ATOSA: variants seen among roughly 807,000 people sequenced by gnomAD.
ATOSA encodes the protein atos homolog protein A.
At chr15:52,628,781 C>T in the ATOSA span, among the ~76,000 whole-genome samples, 1 of 151,328 alleles carries the variant, frequency 6.6e-6, no homozygotes, top group Non-Finnish European at 1.5e-5. Flanking sequence ...AACTGAAGTG[C>T]CATGAAAGTA....
the ATOSA span, among the ~76,000 whole-genome samples, chr15:52,620,772 A>T: frequency 5.3e-5 from 8 of 151,952 alleles, no homozygotes; most frequent in African/African-American, 1.9e-4. Flanking sequence ...ACGTGGCAAA[A>T]CCTCATCTCT....
the ATOSA span, among the ~76,000 whole-genome samples, chr15:52,604,453 T>A: frequency 6.6e-6 from 1 of 152,254 alleles, no homozygotes; most frequent in African/African-American, 2.4e-5. Flanking sequence ...AAAATACGTT[T>A]GTGGCAAATT....
At chr15:52,613,918 G>A in the ATOSA span, 1 of 1,371,112 alleles carries the variant, frequency 7.3e-7, no homozygotes, top group Non-Finnish European at 1.0e-6. Context: ...GAACTCATCT[G>A]GTCTGCCTAA....
At chr15:52,584,090 G>GAAAAAAA in the ATOSA span, among the ~76,000 whole-genome samples, 3 of 41,836 alleles carry the variant, frequency 7.2e-5, no homozygotes, top group Non-Finnish European at 1.7e-4. Context: ...GTCTCAAGAA[G>GAAAAAAA]AAAAAAAAAA....
At chr15:52,654,850 AG>A in the ATOSA span, among the ~76,000 whole-genome samples, 1 of 152,162 alleles carries the variant, frequency 6.6e-6, no homozygotes, top group Non-Finnish European at 1.5e-5. Context: ...AAACAAAAAA[AG>A]TATTGCAGAT....
the ATOSA span, among the ~76,000 whole-genome samples, chr15:52,698,887 A>G: frequency 6.6e-6 from 1 of 152,210 alleles, no homozygotes; most frequent in Non-Finnish European, 1.5e-5. Flanking sequence ...CTAAACAAAT[A>G]AATAAACTTG....
At chr15:52,583,823 C>T in the ATOSA span, among the ~76,000 whole-genome samples, 3 of 152,104 alleles carry the variant, frequency 2.0e-5, no homozygotes, top group East Asian at 5.8e-4. Context: ...TGGCTGAACA[C>T]GTCTTTTGCA....
chr15:52,688,830 A>C, the ATOSA span, among the ~76,000 whole-genome samples: 4 of 152,246 alleles, frequency 2.6e-5, no homozygotes, highest in Non-Finnish European at 1.5e-5. Context: ...AAGTCGAATA[A>C]GACAAGGACT....
chr15:52,645,709 C>T, the ATOSA span, among the ~76,000 whole-genome samples: 1 of 152,200 alleles, frequency 6.6e-6, no homozygotes, highest in Admixed American at 6.5e-5. Flanking sequence ...CACAATTCAT[C>T]ATAGTCTCAG....
chr15:52,679,747 AGTC>A, the ATOSA span, among the ~76,000 whole-genome samples: 5 of 131,236 alleles, frequency 3.8e-5, no homozygotes, highest in East Asian at 2.6e-4. Flanking sequence ...GGATAATTAT[AGTC>A]GTCGTCTCCT....
At chr15:52,590,412 G>A in the ATOSA span, among the ~76,000 whole-genome samples, 166 of 152,260 alleles carry the variant, frequency 1.1e-3, 2 homozygotes, top group Non-Finnish European at 1.6e-3. Flanking sequence ...CCCAACCGGA[G>A]AATAATATTA....
chr15:52,660,039 AAAACAGTTAAATATGT>A, the ATOSA span, among the ~76,000 whole-genome samples: 1 of 152,322 alleles, frequency 6.6e-6, no homozygotes, highest in Non-Finnish European at 1.5e-5. Flanking sequence ...TTAGAGATAT[AAAACAGTTAAATATGT>A]TAAATTTTTT....
the ATOSA span, among the ~76,000 whole-genome samples, chr15:52,682,489 T>G: frequency 6.6e-6 from 1 of 152,314 alleles, no homozygotes; most frequent in African/African-American, 2.4e-5. Flanking sequence ...ATGGAGGTTC[T>G]GAATGGTTAC....
the ATOSA span, among the ~76,000 whole-genome samples, chr15:52,648,479 C>T: frequency 1.3e-5 from 2 of 152,082 alleles, no homozygotes; most frequent in South Asian, 2.1e-4. Flanking sequence ...GGGAACATTA[C>T]AATTCTTCTC....
the ATOSA span, among the ~76,000 whole-genome samples, chr15:52,671,842 T>C: frequency 6.6e-6 from 1 of 150,504 alleles, no homozygotes; most frequent in African/African-American, 2.4e-5. Context: ...TCCTAAGTGG[T>C]AATCAAAAAC....
chr15:52,583,996 C>T, the ATOSA span, among the ~76,000 whole-genome samples: 1 of 150,990 alleles, frequency 6.6e-6, no homozygotes, highest in Non-Finnish European at 1.5e-5. Flanking sequence ...CAGGTGGTCC[C>T]CATCAGCAAT....
At chr15:52,615,533 C>G in the ATOSA span, among the ~76,000 whole-genome samples, 1 of 152,188 alleles carries the variant, frequency 6.6e-6, no homozygotes, top group South Asian at 2.1e-4. Flanking sequence ...ACAAACAGAA[C>G]CATGCAGCAT....
chr15:52,604,268 A>T, the ATOSA span, among the ~76,000 whole-genome samples: 1 of 152,258 alleles, frequency 6.6e-6, no homozygotes, highest in African/African-American at 2.4e-5. Context: ...AAAAATACAA[A>T]AAACAACAAA....
chr15:52,617,823 T>C, the ATOSA span, among the ~76,000 whole-genome samples: 24 of 149,698 alleles, frequency 1.6e-4, no homozygotes, highest in South Asian at 6.3e-4. Flanking sequence ...TTATATATAA[T>C]AATAAAAGAT....
Sources: allele counts gnomAD v4.1 joint callset (sites outside exome capture counted in the v4.1 genomes callset), GRCh38; gene constraint gnomAD v4.1.1; transcripts MANE v1.5; gene names NCBI Gene and HGNC (gene_info 2026-07-23, HGNC 2026-07-21).